The following ZMYND11 variants were observed in gnomAD, a reference collection of about 807,000 sequenced individuals.
ZMYND11 encodes zinc finger MYND-type containing 11, also known as zinc finger MYND domain-containing protein 11.
In ZMYND11, 9 loss-of-function variants were observed where a neutral mutation model predicts 84.9. The observed-to-expected ratio is 0.11, with a 90% CI of 0.06 to 0.18. The LOEUF is 0.18. ZMYND11 is among the 10% of genes least tolerant of loss of function. The pLI is 1.00. For synonymous variants in ZMYND11, 250 were observed against 244.1 expected, an observed-to-expected ratio of 1.02 and a Z score of -0.23; for missense variants, 409 against 761.0, an observed-to-expected ratio of 0.54 and a Z score of 5.44.
intron 4 of ZMYND11, among the ~76,000 whole-genome samples, chr10:235,994 A>G (rs1051335297): frequency 6.6e-6 from 1 of 152,230 alleles, no homozygotes; most frequent in African/African-American, 2.4e-5. Context: ...CTATGCTTAC[A>G]GTTCTTTCAG....
At chr10:182,543 A>G (rs1401532971) in intron 2 of ZMYND11, among the ~76,000 whole-genome samples, 3 of 152,232 alleles carry the variant, frequency 2.0e-5, no homozygotes, top group African/African-American at 7.2e-5. Flanking sequence ...TTAAGTGCTT[A>G]AGACTGGGTC....
At chr10:200,300 A>G (rs1343919175) in intron 2 of ZMYND11, among the ~76,000 whole-genome samples, 3 of 32,318 alleles carry the variant, frequency 9.3e-5, no homozygotes, top group African/African-American at 2.3e-4. Context: ...TAAAATGTAT[A>G]TTATATATAA....
At chr10:133,281 GTATT>G (rs1394926098), upstream of ZMYND11, among the ~76,000 whole-genome samples, 1 of 152,210 alleles carries the variant, frequency 6.6e-6, no homozygotes, top group Admixed American at 6.5e-5. Flanking sequence ...ATAGCTGTCA[GTATT>G]TATTAATAGT....
At position 211,096 on chromosome 10, in the gene ZMYND11, G is replaced by A. The variant is rs188408723; in HGVS notation, c.276+1048G>A. Among the ~76,000 whole-genome samples, 457 of 152,282 alleles carry A rather than the reference G, an allele frequency of 3.0e-3. No homozygotes were observed. The Middle Eastern group carries it at 0.031, about 10-fold the overall frequency. The stretch of plus-strand genomic sequence containing the variant: ...AGTACCAGATACCCAGGAGGCTGAG[G>A]TAGGAGGATCACTTGAGCCCAGGAG... On this transcript the variant is annotated intron_variant, in intron 3 of 14. Coordinates refer to ENST00000381604, the MANE Select transcript of ZMYND11 (RefSeq NM_001370100.5).
intron 2 of ZMYND11, among the ~76,000 whole-genome samples, chr10:192,342 T>C (rs1940673130): frequency 6.6e-6 from 1 of 152,236 alleles, no homozygotes; most frequent in African/African-American, 2.4e-5. Context: ...CCTGCAGCCC[T>C]GTAGTATTGT....
At chr10:136,867 T>A (rs1341689331) in intron 1 of ZMYND11, among the ~76,000 whole-genome samples, 1 of 152,110 alleles carries the variant, frequency 6.6e-6, no homozygotes, top group African/African-American at 2.4e-5. Flanking sequence ...TTGTGCAGTA[T>A]GTGCACGGTA....
At chr10:232,264 G>T (rs1949130668) in intron 4 of ZMYND11, among the ~76,000 whole-genome samples, 1 of 152,208 alleles carries the variant, frequency 6.6e-6, no homozygotes, top group African/African-American at 2.4e-5. Flanking sequence ...GCCACAGAAA[G>T]TGGCTCCACG....
At chr10:216,660 T>C (rs1946233091) in intron 3 of ZMYND11, among the ~76,000 whole-genome samples, 1 of 152,206 alleles carries the variant, frequency 6.6e-6, no homozygotes, top group South Asian at 2.1e-4. Flanking sequence ...TCATTTATAC[T>C]GTGGTTCTGT....
At chr10:168,664 A>T (rs184540915) in intron 1 of ZMYND11, among the ~76,000 whole-genome samples, 1 of 152,204 alleles carries the variant, frequency 6.6e-6, no homozygotes, top group Non-Finnish European at 1.5e-5. Flanking sequence ...TAAAAAGCTG[A>T]ACAAGCAAAA....
At chr10:158,871 T>C (rs1236012027) in intron 1 of ZMYND11, among the ~76,000 whole-genome samples, 1 of 152,020 alleles carries the variant, frequency 6.6e-6, no homozygotes, top group Non-Finnish European at 1.5e-5. Flanking sequence ...TGGAGAAACA[T>C]CTGTTCAGAT....
At chr10:245,569 G>A (rs568267034) in intron 10 of ZMYND11, among the ~76,000 whole-genome samples, 4 of 152,242 alleles carry the variant, frequency 2.6e-5, no homozygotes, top group African/African-American at 7.2e-5. Context: ...GTACTCTACC[G>A]TAGAAAATGT....
intron 5 of ZMYND11, 64 bp from the exon 6 acceptor site, chr10:237,521 G>GGAATT: frequency 1.0e-6 from 1 of 975,286 alleles, no homozygotes; most frequent in Non-Finnish European, 1.6e-6. Flanking sequence ...TTGAGCTTTA[G>GGAATT]GAATTGATGT....
At chr10:149,144 A>C (rs1554756259) in intron 1 of ZMYND11, among the ~76,000 whole-genome samples, 2 of 151,988 alleles carry the variant, frequency 1.3e-5, no homozygotes, top group Non-Finnish European at 2.9e-5. Context: ...AATTTTCTAA[A>C]AAGAAAGGCT....
intron 1 of ZMYND11, among the ~76,000 whole-genome samples, chr10:156,258 G>A (rs527593035): frequency 6.6e-6 from 1 of 152,280 alleles, no homozygotes; most frequent in Non-Finnish European, 1.5e-5. Flanking sequence ...CAGCCCCTGT[G>A]CAACTGAGTC....
intron 10 of ZMYND11, among the ~76,000 whole-genome samples, chr10:243,914 T>C (rs1353098308): frequency 6.6e-6 from 1 of 152,200 alleles, no homozygotes; most frequent in Non-Finnish European, 1.5e-5. Flanking sequence ...CCTAGAGTAG[T>C]CTGTCACCTG....
chr10:215,561 G>GA (rs1946064870), intron 3 of ZMYND11, among the ~76,000 whole-genome samples: 1 of 138,350 alleles, frequency 7.2e-6, no homozygotes, highest in Non-Finnish European at 1.6e-5. Context: ...TTTGTTTTTT[G>GA]TTTTTTTTTT....
At chr10:157,788 A>G (rs1222970620) in intron 1 of ZMYND11, among the ~76,000 whole-genome samples, 1 of 152,178 alleles carries the variant, frequency 6.6e-6, no homozygotes, top group Non-Finnish European at 1.5e-5. Flanking sequence ...TGTATTTACA[A>G]GGTATTGTAG....
In ZMYND11 at chr10:248,843, G is replaced by C; in HGVS notation, c.1501-60G>C. The C allele has an allele frequency of 1.3e-6, 2 of 1,548,642 alleles. 1 individual carries two copies. The highest frequency in any genetic ancestry group is 2.4e-5 in the South Asian group (2 of 83,336). ...CAAGTTGTGTTAAGTTTCTGTTCCAGTGTAGATGGTCTGTGTTAAGTTGTG... is the reference window on the plus strand; with the variant it reads ...CAAGTTGTGTTAAGTTTCTGTTCCACTGTAGATGGTCTGTGTTAAGTTGTG... On this transcript the variant is annotated intron_variant, in intron 13 of 14. Transcript: ENST00000381604.
At chr10:243,114 A>G (rs1202306784) in intron 10 of ZMYND11, among the ~76,000 whole-genome samples, 1 of 152,160 alleles carries the variant, frequency 6.6e-6, no homozygotes, top group African/African-American at 2.4e-5. Context: ...TTTATGTGAG[A>G]TTGTGTTCTT....
Sources: gnomAD v4.1 joint callset for allele counts (sites outside exome capture counted in the v4.1 genomes callset) on GRCh38, gnomAD v4.1.1 for gene constraint, MANE v1.5 for transcripts, NCBI Gene and HGNC (gene_info 2026-07-23, HGNC 2026-07-21) for gene names.